The following PRR23A variants were observed in gnomAD, a reference collection of about 807,000 sequenced individuals.
The protein encoded by PRR23A is proline-rich protein 23A.
For synonymous variants in PRR23A, 161 were observed against 170.6 expected (o/e 0.94, Z 0.44); for missense variants, 342 against 372.7 (o/e 0.92, Z 0.68).
In PRR23A at chr3:139,004,026, CAT is replaced by C. The variant is rs960777810; in HGVS notation, c.*1440_*1441del. 2.0e-5 allele frequency among the ~76,000 whole-genome samples: 3 copies of C among 151,998 alleles called. No homozygotes were observed. The highest frequency in any genetic ancestry group is 1.9e-4 in the East Asian group (1 of 5,164). On this transcript the variant is annotated 3_prime_UTR_variant, in exon 1 of 1. Coordinates refer to ENST00000383163, the MANE Select transcript of PRR23A (RefSeq NM_001134659.1). ...TAAACATTGCTTATTTATATCTATA[CAT>C]ATATATATGTATATGTAGCTTTCAT...
rs1936741827 is a variant in PRR23A at position 139,004,118 on chromosome 3, A to C, written c.*1350T>G. Among the ~76,000 whole-genome samples the C allele has an allele frequency of 6.6e-6, 1 of 152,160 alleles. No homozygotes were observed. ...TGTGAATCCCCTGGGAATGGGGGAGAAGAGTGGGGATCAAAGGATATGACA... is the reference window on the plus strand; with the variant it reads ...TGTGAATCCCCTGGGAATGGGGGAGCAGAGTGGGGATCAAAGGATATGACA... On this transcript the variant is annotated 3_prime_UTR_variant, in exon 1 of 1. Transcript: ENST00000383163.
chr3:139,006,117 G>A lies in PRR23A; in HGVS notation c.152C>T (p.Thr51Ile). The A allele has an allele frequency of 2.6e-6, 4 of 1,546,988 alleles. No individual in the cohort carries two copies. Among genetic ancestry groups the A allele is most frequent in the Non-Finnish European group, 3.5e-6 (4 of 1,147,692 alleles). Reference protein sequence around the residue: ...VAPSLEDPAGTPAVGALTSIV... With the variant: ...VAPSLEDPAGIPAVGALTSIV... The stretch of plus-strand genomic sequence containing the variant: ...GGAGGTGAGCGCGCCCACGGCCGGG[G>A]TACCCGCCGGGTCTTCCAGGCTGGG... The change falls in exon 1 of 1, where the codon ACC becomes ATC. Residue 51 changes from threonine (T) to isoleucine (I), a missense_variant. Physicochemically the swap from Thr to Ile is moderately conservative, Grantham distance 89. Coordinates refer to ENST00000383163, the MANE Select transcript of PRR23A (RefSeq NM_001134659.1).
In PRR23A at chr3:139,006,234, G is replaced by A. The variant is rs1936779244; in HGVS notation, c.35C>T (p.Pro12Leu). The change falls in exon 1 of 1, where the codon CCT becomes CTT. Residue 12 changes from proline (P) to leucine (L), a missense_variant. Coordinates refer to ENST00000383163, the MANE Select transcript of PRR23A (RefSeq NM_001134659.1). Reference protein sequence around the residue: ...GSRPRSPSAFPAPWWGQQPGG... With the variant: ...GSRPRSPSAFLAPWWGQQPGG... ...TGGCTGCTGTCCCCACCAGGGCGCA[G>A]GGAAGGCGCTGGGGCTGCGGGGCCG... 3 of 1,543,420 alleles carry A rather than the reference G, an allele frequency of 1.9e-6. No individual in the cohort carries two copies. The highest frequency in any genetic ancestry group is 2.0e-5 in the Admixed American group (1 of 50,954).
rs760263548 is a variant in PRR23A, at chr3:139,005,552, G to T, written c.717C>A (p.Arg239=). ...GCGCGTGGGGACCTGGACTCCCCAC[G>T]CGCGGAGAGGGAGGTAGAGGTTGGA... ...SPLQPLPPSP[R]VGSPGPHAHP... The change falls in exon 1 of 1, where the codon CGC becomes CGA. Residue 239 remains arginine, a synonymous_variant. Coordinates refer to ENST00000383163, the MANE Select transcript of PRR23A (RefSeq NM_001134659.1). 51 of 1,556,052 alleles carry T rather than the reference G, an allele frequency of 3.3e-5. No individual in the cohort carries two copies. The South Asian group carries it at 5.7e-4, about 17-fold the overall frequency.
rs761337844 is a variant in PRR23A, at chr3:139,005,661, G to A, written c.608C>T (p.Pro203Leu). ...AGAGTGTCCCTCTGAACTGGGGTTG[G>A]GGGCCAGAGCACAGGGTTCTGGGAT... ...GPIPEPCALA[P>L]NPSSEGHSPG... Residue 203 changes from proline to leucine, a missense_variant, in exon 1 of 1, where the codon CCC becomes CTC. Transcript: ENST00000383163. 3 of 1,613,740 alleles carry A rather than the reference G, an allele frequency of 1.9e-6. No homozygotes were observed. The South Asian group carries it at 3.3e-5, about 18-fold the overall frequency.
At position 139,003,983 on chromosome 3, in the gene PRR23A, A is replaced by G. The variant is rs538281111; in HGVS notation, c.*1485T>C. ...AATATGAGGTAGTTATGTAAATTTA[A>G]TTGTCCAGAAAACAACATAAACATT... On this transcript the variant is annotated 3_prime_UTR_variant, in exon 1 of 1. Transcript: ENST00000383163. Among the ~76,000 whole-genome samples, 1 of 152,350 alleles carries G rather than the reference A, an allele frequency of 6.6e-6. No individual in the cohort carries two copies. The highest frequency in any genetic ancestry group is 1.9e-4 in the East Asian group (1 of 5,192).
rs759591785 is a variant in PRR23A, at chr3:139,005,394, G to A, written c.*74C>T. 7.8e-7 allele frequency: 1 copy of A among 1,277,920 alleles called. No individual in the cohort carries two copies. The highest frequency in any genetic ancestry group is 1.1e-6 in the Non-Finnish European group (1 of 950,924). 79.2% of individuals were successfully genotyped at this position (1,277,920 alleles called of 1,614,324 possible). On this transcript the variant is annotated 3_prime_UTR_variant, in exon 1 of 1. Transcript: ENST00000383163. ...TGAAGATGCTGCATTTCCGGGCTGT[G>A]GCAAGTCCTCACAGTGAGTCTTGGA...
At position 139,006,021 on chromosome 3, in the gene PRR23A, G is replaced by C; in HGVS notation, c.248C>G (p.Pro83Arg). The C allele has an allele frequency of 6.2e-7, 1 of 1,611,146 alleles. No individual in the cohort carries two copies. The highest frequency in any genetic ancestry group is 8.5e-7 in the Non-Finnish European group (1 of 1,178,942). Residue 83 changes from proline to arginine, a missense_variant, in exon 1 of 1, where the codon CCG (proline) becomes CGG (arginine). Pro to Arg is a moderately radical substitution (Grantham distance 103). Transcript: ENST00000383163. ...LDDVDLVLELPPTSILRVSLD... is the reference protein window; with the variant it reads ...LDDVDLVLELRPTSILRVSLD... ...AGACACTCGCAGGATCGACGTTGGCGGGAGCTCCAGCACCAGGTCGACGTC... is the reference window on the plus strand; with the variant it reads ...AGACACTCGCAGGATCGACGTTGGCCGGAGCTCCAGCACCAGGTCGACGTC...
Position 139,005,212 on chromosome 3 carries a change from A to C in PRR23A, c.*256T>G, listed in dbSNP as rs1936757096. On this transcript the variant is annotated 3_prime_UTR_variant, in exon 1 of 1. Transcript: ENST00000383163. The stretch of plus-strand genomic sequence containing the variant: ...ATCCATGACTGGTTATGTGTGGTCT[A>C]CTCTTCTTGGTAAAGGTGCTTACCA... Among the ~76,000 whole-genome samples the C allele has an allele frequency of 6.6e-6, 1 of 151,840 alleles. No homozygotes were observed. Among genetic ancestry groups the C allele is most frequent in the Non-Finnish European group, 1.5e-5 (1 of 67,954 alleles).
Position 139,004,516 on chromosome 3 carries a change from G to A in PRR23A, c.*952C>T, listed in dbSNP as rs138346232. On this transcript the variant is annotated 3_prime_UTR_variant, in exon 1 of 1. Transcript: ENST00000383163. Reference sequence around the variant, plus strand: ...TTTTTTTGAGATGGAGTCTCACTCTGTTGCCCAGGCTGGAGTGCAATGGCA... The same window carrying A: ...TTTTTTTGAGATGGAGTCTCACTCTATTGCCCAGGCTGGAGTGCAATGGCA... Among the ~76,000 whole-genome samples, 1,757 of 143,886 alleles carry A rather than the reference G, an allele frequency of 0.012. 16 individuals are homozygous for A. Among genetic ancestry groups the A allele is most frequent in the Middle Eastern group, 0.043 (12 of 276 alleles). The allele number at this position is 143,886 out of a possible 152,430, so 94.4% of individuals were successfully genotyped here.
the PRR23A span, chr3:139,005,513 CG>C: frequency 6.7e-7 from 1 of 1,496,228 alleles, no homozygotes; most frequent in Non-Finnish European, 8.9e-7. Flanking sequence ...GAGGGCGTTT[CG>C]GGAGCGGCGG....
At position 139,005,732 on chromosome 3, in the gene PRR23A, G is replaced by A; in HGVS notation, c.537C>T (p.Leu179=). 6.2e-7 allele frequency: 1 copy of A among 1,613,770 alleles called. No homozygotes were observed. The highest frequency in any genetic ancestry group is 8.5e-7 in the Non-Finnish European group (1 of 1,179,832). The change falls in exon 1 of 1, where the codon CTC becomes CTT. Residue 179 remains leucine, a synonymous_variant. Coordinates refer to ENST00000383163, the MANE Select transcript of PRR23A (RefSeq NM_001134659.1). Reference sequence around the variant, plus strand: ...TGAACATACTTCTGGCGGAGGAGTAGAGCCCAGCGGCTGAGCCGGCTGCGG... The same window carrying A: ...TGAACATACTTCTGGCGGAGGAGTAAAGCCCAGCGGCTGAGCCGGCTGCGG... The part of the protein sequence containing the change: ...MDSAAGSAAG[L]YSSARSMFSP...
In PRR23A at chr3:139,005,774, C is replaced by T. The variant is rs751378737; in HGVS notation, c.495G>A (p.Pro165=). 3.1e-6 allele frequency: 5 copies of T among 1,613,616 alleles called. No individual in the cohort carries two copies. Among genetic ancestry groups the T allele is most frequent in the Admixed American group, 1.7e-5 (1 of 60,002 alleles). The change falls in exon 1 of 1, where the codon CCG becomes CCA. Residue 165 remains proline, a synonymous_variant. Transcript: ENST00000383163. The part of the protein sequence containing the change: ...AYEEDADPEF[P]ELQMDSAAGS... ...CGGCTGCGGAGTCCATCTGGAGCTC[C>T]GGAAACTCGGGGTCCGCGTCCTCCT...
chr3:139,005,514 GGGA>G lies in PRR23A; in HGVS notation c.752_754del (p.Leu251del), dbSNP rs1936762649. 1 of 1,497,078 alleles carries G rather than the reference GGGA, an allele frequency of 6.7e-7. No homozygotes were observed. The highest frequency in any genetic ancestry group is 2.4e-5 in the Admixed American group (1 of 41,840). 92.7% of individuals were successfully genotyped at this position (1,497,078 alleles called of 1,614,324 possible). On this transcript the variant is annotated inframe_deletion, in exon 1 of 1. Coordinates refer to ENST00000383163, the MANE Select transcript of PRR23A (RefSeq NM_001134659.1). ...GCGGGCCTTGCACGGAGGGCGTTTC[GGGA>G]GCGGCGGGTGCGCGTGGGGACCTGG...
chr3:139,005,100 G>A lies in PRR23A; in HGVS notation c.*368C>T, dbSNP rs1269384650. On this transcript the variant is annotated 3_prime_UTR_variant, in exon 1 of 1. Coordinates refer to ENST00000383163, the MANE Select transcript of PRR23A (RefSeq NM_001134659.1). ...GAAAACTGAAGGGAGCTTTAAGCAA[G>A]AGTAGGGGTGAAACTGAGGATACAG... 6.6e-6 allele frequency among the ~76,000 whole-genome samples: 1 copy of A among 152,200 alleles called. No individual in the cohort carries two copies. Among genetic ancestry groups the A allele is most frequent in the African/African-American group, 2.4e-5 (1 of 41,448 alleles).
Position 139,005,572 on chromosome 3 carries a change from G to T in PRR23A, c.697C>A (p.Pro233Thr). The change falls in exon 1 of 1, where the codon CCT (proline) becomes ACT (threonine). Residue 233 changes from proline to threonine, a missense_variant. Coordinates refer to ENST00000383163, the MANE Select transcript of PRR23A (RefSeq NM_001134659.1). ...LEPVPSSPLQ[P>T]LPPSPRVGSP... ...CCCACGCGCGGAGAGGGAGGTAGAGGTTGGAGAGGTGAGCTGGGGACAGGC... is the reference window on the plus strand; with the variant it reads ...CCCACGCGCGGAGAGGGAGGTAGAGTTTGGAGAGGTGAGCTGGGGACAGGC... The T allele has an allele frequency of 6.2e-7, 1 of 1,608,544 alleles. No individual in the cohort carries two copies.
chr3:139,006,168 G>A lies in PRR23A; in HGVS notation c.101C>T (p.Pro34Leu). Residue 34 changes from proline to leucine, a missense_variant, in exon 1 of 1, where the codon CCC (proline) becomes CTC (leucine). By Grantham distance (98) the Pro-to-Leu change is moderately conservative. Coordinates refer to ENST00000383163, the MANE Select transcript of PRR23A (RefSeq NM_001134659.1). ...CGCCACGCGGGGTTCGGGGCCCGCG[G>A]GCTCCTCCAATCGGAGGCGCTTGGC... Reference protein sequence around the residue: ...GPAKRLRLEEPAGPEPRVAPS... With the variant: ...GPAKRLRLEELAGPEPRVAPS... 2 of 1,546,210 alleles carry A rather than the reference G, an allele frequency of 1.3e-6. No homozygotes were observed. Among genetic ancestry groups the A allele is most frequent in the Non-Finnish European group, 1.7e-6 (2 of 1,146,862 alleles).
rs756711109 is a variant in PRR23A at position 139,006,169 on chromosome 3, G to C, written c.100C>G (p.Pro34Ala). The C allele has an allele frequency of 4.1e-5, 63 of 1,546,144 alleles. No individual in the cohort carries two copies. Among genetic ancestry groups the C allele is most frequent in the Non-Finnish European group, 5.3e-5 (61 of 1,146,990 alleles). Residue 34 changes from proline to alanine, a missense_variant, in exon 1 of 1, where the codon CCC (proline) becomes GCC (alanine). Coordinates refer to ENST00000383163, the MANE Select transcript of PRR23A (RefSeq NM_001134659.1). ...GPAKRLRLEEPAGPEPRVAPS... is the reference protein window; with the variant it reads ...GPAKRLRLEEAAGPEPRVAPS... ...GCCACGCGGGGTTCGGGGCCCGCGGGCTCCTCCAATCGGAGGCGCTTGGCA... is the reference window on the plus strand; with the variant it reads ...GCCACGCGGGGTTCGGGGCCCGCGGCCTCCTCCAATCGGAGGCGCTTGGCA...
In PRR23A at chr3:139,005,403, T is replaced by C; in HGVS notation, c.*65A>G. 1.5e-6 allele frequency: 2 copies of C among 1,357,524 alleles called. No homozygotes were observed. Among genetic ancestry groups the C allele is most frequent in the Non-Finnish European group, 9.8e-7 (1 of 1,018,394 alleles). 84.1% of individuals were successfully genotyped at this position (1,357,524 alleles called of 1,614,324 possible). A position where few individuals can be genotyped will look rare whatever the true frequency, so the allele number is the denominator to read the frequency against. ...TGCATTTCCGGGCTGTGGCAAGTCCTCACAGTGAGTCTTGGAGGATCCACA... is the reference window on the plus strand; with the variant it reads ...TGCATTTCCGGGCTGTGGCAAGTCCCCACAGTGAGTCTTGGAGGATCCACA... On this transcript the variant is annotated 3_prime_UTR_variant, in exon 1 of 1. Transcript: ENST00000383163.
Sources: gnomAD v4.1 joint callset for allele counts (sites outside exome capture counted in the v4.1 genomes callset) on GRCh38, gnomAD v4.1.1 for gene constraint, MANE v1.5 for transcripts, NCBI Gene and HGNC (gene_info 2026-07-23, HGNC 2026-07-21) for gene names.